COL22A1: variants seen among roughly 807,000 people sequenced by gnomAD.
COL22A1 encodes the protein collagen type XXII alpha 1 chain.
COL22A1 carries 221 observed loss-of-function variants against 248.9 expected under a neutral mutation model. The ratio of observed to expected loss-of-function variants is 0.89; its 90% confidence interval spans 0.80 to 0.99. The LOEUF (loss-of-function observed/expected upper bound fraction) is 0.99. COL22A1 is among the 50% of genes least tolerant of loss of function. The pLI, the probability that COL22A1 is intolerant of heterozygous loss-of-function variation, is 0.00. For missense variants in COL22A1, 2,240 were observed against 2,179.0 expected (o/e 1.03, Z -0.56); for synonymous variants, 891 against 793.4 (o/e 1.12, Z -2.07).
In COL22A1 at chr8:138,778,292, C is replaced by T. The variant is rs74569317; in HGVS notation, c.1758+61G>A. 3,253 of 1,597,228 alleles carry T rather than the reference C, an allele frequency of 2.0e-3. 47 individuals carry two copies. The African/African-American group carries it at 0.031, about 15-fold the overall frequency. ...ATGCAGGTGGAGGAACTTGCTAGAA[C>T]CTGGTTTTTGATTCCTGGAGAAGGG... On this transcript the variant is annotated intron_variant, in intron 15 of 64. Coordinates refer to ENST00000303045, the MANE Select transcript of COL22A1 (RefSeq NM_152888.3).
At chr8:138,608,812 G>A (rs185560342) in intron 56 of COL22A1, among the ~76,000 whole-genome samples, 8 of 152,064 alleles carry the variant, frequency 5.3e-5, no homozygotes, top group East Asian at 2.0e-4. Flanking sequence ...GCACATTCCC[G>A]TTGGCTGCTG....
chr8:138,806,566 G>A lies in COL22A1; in HGVS notation c.1494+1202C>T, dbSNP rs77533840. ...CAAAGGTGGACAGGAAGAAAGCATCGCTCAGGCGAGTCATTTCACCATTTC... is the reference window on the plus strand; with the variant it reads ...CAAAGGTGGACAGGAAGAAAGCATCACTCAGGCGAGTCATTTCACCATTTC... On this transcript the variant is annotated intron_variant, in intron 10 of 64. Transcript: ENST00000303045. Among the ~76,000 whole-genome samples, 749 of 152,220 alleles carry A rather than the reference G, an allele frequency of 4.9e-3. 4 individuals carry two copies. Among genetic ancestry groups the A allele is most frequent in the African/African-American group, 0.017 (701 of 41,502 alleles).
At chr8:138,593,218 G>C (rs917884099) in intron 63 of COL22A1, among the ~76,000 whole-genome samples, 3 of 152,020 alleles carry the variant, frequency 2.0e-5, no homozygotes, top group Non-Finnish European at 4.4e-5. Flanking sequence ...GGCCTGTCGG[G>C]GGGTGGGGGT....
Position 138,589,321 on chromosome 8 carries a change from A to G in COL22A1, c.4813T>C (p.Cys1605Arg). ...LPGPPGPPGQ[C>R]DPSQCAYFAS... is the part of the protein sequence containing the mutation. ...AAGTAGGCACACTGGGAAGGGTCAC[A>G]TTGGCCTGGGGGACCGGGAGGTCCT... Residue 1605 changes from cysteine to arginine, a missense_variant, in exon 65 of 65, where the codon TGT becomes CGT. Physicochemically the swap from Cys to Arg is radical, Grantham distance 180. Coordinates refer to ENST00000303045, the MANE Select transcript of COL22A1 (RefSeq NM_152888.3). 6.2e-7 allele frequency: 1 copy of G among 1,613,528 alleles called. No individual in the cohort carries two copies. Among genetic ancestry groups the G allele is most frequent in the Non-Finnish European group, 8.5e-7 (1 of 1,179,724 alleles).
At chr8:138,642,329 C>T (rs147671573) in intron 47 of COL22A1, among the ~76,000 whole-genome samples, 471 of 152,286 alleles carry the variant, frequency 3.1e-3, no homozygotes, top group African/African-American at 0.01. Flanking sequence ...AACAGCTCTG[C>T]CTCCTAGCAT....
At chr8:138,719,402 G>A (rs760826409) in intron 27 of COL22A1, among the ~76,000 whole-genome samples, 1 of 152,162 alleles carries the variant, frequency 6.6e-6, no homozygotes, top group African/African-American at 2.4e-5. Flanking sequence ...GTACACACTG[G>A]TACATTCATG....
chr8:138,680,981 C>T (rs1825916519), intron 39 of COL22A1, among the ~76,000 whole-genome samples: 1 of 152,092 alleles, frequency 6.6e-6, no homozygotes. Flanking sequence ...GATGTCTGCA[C>T]TCTTCCCCCC....
At chr8:138,891,743 TATTTCA>T (rs1235627829) in intron 1 of COL22A1, among the ~76,000 whole-genome samples, 45 of 152,094 alleles carry the variant, frequency 3.0e-4, no homozygotes, top group African/African-American at 1.1e-3. Context: ...CAGCAACACT[TATTTCA>T]TAAGTACAGA....
At chr8:138,847,900 G>A (rs908283074) in intron 3 of COL22A1, among the ~76,000 whole-genome samples, 2 of 152,036 alleles carry the variant, frequency 1.3e-5, no homozygotes, top group African/African-American at 4.8e-5. Flanking sequence ...TCCTTCCTAT[G>A]GGCCTCACTG....
chr8:138,660,564 T>G, intron 43 of COL22A1, 84 bp from the exon 44 acceptor site: 8 of 1,233,638 alleles, frequency 6.5e-6, no homozygotes, highest in Non-Finnish European at 9.5e-6. Flanking sequence ...CCAATCTCTC[T>G]ATCTGCTAAG....
rs551660132 is a variant in COL22A1, at chr8:138,686,980, G to T, written c.2863-1668C>A. On this transcript the variant is annotated intron_variant, in intron 37 of 64. Coordinates refer to ENST00000303045, the MANE Select transcript of COL22A1 (RefSeq NM_152888.3). Reference sequence around the variant, plus strand: ...ATTTATTATTATTATTATTTGAGATGGAATCTCACTCTGTCATCCAGACTG... The same window carrying T: ...ATTTATTATTATTATTATTTGAGATTGAATCTCACTCTGTCATCCAGACTG... Among the ~76,000 whole-genome samples, 4 of 152,228 alleles carry T rather than the reference G, an allele frequency of 2.6e-5. No homozygotes were observed. In the South Asian group the frequency reaches 8.3e-4, roughly 32 times the overall value.
rs138321903 is a variant in COL22A1, at chr8:138,911,482, G to A, written c.-73+2137C>T. On this transcript the variant is annotated intron_variant, in intron 1 of 64. Coordinates refer to ENST00000303045, the MANE Select transcript of COL22A1 (RefSeq NM_152888.3). ...ACCCTGATCTTCTAACTCAGAGCAAGCAAGCTCCCAGGTCTTCAGAGGCCC... is the reference window on the plus strand; with the variant it reads ...ACCCTGATCTTCTAACTCAGAGCAAACAAGCTCCCAGGTCTTCAGAGGCCC... Among the ~76,000 whole-genome samples, 229 of 152,316 alleles carry A rather than the reference G, an allele frequency of 1.5e-3. 1 individual carries two copies. The highest frequency in any genetic ancestry group is 5.3e-3 in the African/African-American group (221 of 41,578).
At chr8:138,733,145 C>A (rs111344486) in intron 23 of COL22A1, among the ~76,000 whole-genome samples, 2,988 of 152,294 alleles carry the variant, frequency 0.02, 81 homozygotes, top group African/African-American at 0.065. Context: ...CCCCTGCCTG[C>A]ATTTCCACCA....
chr8:138,830,869 G>T (rs1563820834), intron 5 of COL22A1, among the ~76,000 whole-genome samples: 1 of 152,152 alleles, frequency 6.6e-6, no homozygotes, highest in Admixed American at 6.5e-5. Context: ...GAGGAAACAG[G>T]GTGTAGACTC....
In COL22A1 at chr8:138,710,443, G is replaced by A. The variant is rs113206652; in HGVS notation, c.2517+5239C>T. ...AGTTGGCTTAGAGAGAGACAAGTTC[G>A]CCCTTAGTCAACAACAATAATATGA... is the stretch of plus-strand genomic sequence containing the variant. On this transcript the variant is annotated intron_variant, in intron 30 of 64. Coordinates refer to ENST00000303045, the MANE Select transcript of COL22A1 (RefSeq NM_152888.3). Among the ~76,000 whole-genome samples, 934 of 152,212 alleles carry A rather than the reference G, an allele frequency of 6.1e-3. 5 individuals are homozygous for A. Among genetic ancestry groups the A allele is most frequent in the Non-Finnish European group, 1.0e-2 (678 of 68,018 alleles).
intron 1 of COL22A1, among the ~76,000 whole-genome samples, chr8:138,906,586 T>TC (rs386414197): frequency 0.017 from 1 of 60 alleles, no homozygotes; most frequent in Non-Finnish European, 0.033. Flanking sequence ...CTTTCTTGTA[T>TC]TTTTAATTGA....
At chr8:138,689,897 C>T (rs1826688509) in intron 36 of COL22A1, among the ~76,000 whole-genome samples, 1 of 152,192 alleles carries the variant, frequency 6.6e-6, no homozygotes, top group African/African-American at 2.4e-5. Flanking sequence ...GGCCACCCAT[C>T]ACGTGGCTCA....
intron 41 of COL22A1, among the ~76,000 whole-genome samples, chr8:138,671,069 G>A (rs1390440731): frequency 2.7e-5 from 4 of 148,846 alleles, no homozygotes; most frequent in Non-Finnish European, 6.0e-5. Context: ...CTTGAACTGT[G>A]TAGGTCCACT....
intron 31 of COL22A1, among the ~76,000 whole-genome samples, chr8:138,701,100 A>G (rs1827928708): frequency 6.6e-6 from 1 of 150,870 alleles, no homozygotes; most frequent in Non-Finnish European, 1.5e-5. Context: ...CTCCCTTTCT[A>G]TGACTAAGGT....
Sources: gnomAD v4.1 joint callset for allele counts (sites outside exome capture counted in the v4.1 genomes callset) on GRCh38, gnomAD v4.1.1 for gene constraint, MANE v1.5 for transcripts, NCBI Gene and HGNC (gene_info 2026-07-23, HGNC 2026-07-21) for gene names.